Variants in STX18 observed in about 807,000 individuals in gnomAD.
STX18 encodes the protein syntaxin 18, also known as syntaxin-18.
STX18 carries 40 observed loss-of-function variants against 50.1 expected under a neutral mutation model. The ratio of observed to expected loss-of-function variants is 0.80; its 90% confidence interval spans 0.62 to 1.04. STX18 has a LOEUF of 1.04. STX18 is among the 50% of genes least tolerant of loss of function. The pLI is 0.00. For missense variants in STX18, 410 were observed against 415.8 expected, an observed-to-expected ratio of 0.99 and a Z score of 0.12; for synonymous variants, 158 against 151.8, an observed-to-expected ratio of 1.04 and a Z score of -0.30.
chr4:4,495,095 G>T (rs913952898), intron 1 of STX18, among the ~76,000 whole-genome samples: 3 of 152,168 alleles, frequency 2.0e-5, no homozygotes, highest in African/African-American at 7.2e-5. Context: ...TCTAATGCAG[G>T]CTGACATTCA....
intron 5 of STX18, among the ~76,000 whole-genome samples, chr4:4,445,278 C>T (rs1232640150): frequency 6.6e-6 from 1 of 151,872 alleles, no homozygotes; most frequent in African/African-American, 2.4e-5. Flanking sequence ...TGGTGGTGGG[C>T]GCCTGTAATC....
intron 1 of STX18, among the ~76,000 whole-genome samples, chr4:4,535,417 G>C (rs1427424692): frequency 3.3e-5 from 5 of 152,130 alleles, no homozygotes; most frequent in African/African-American, 1.2e-4. Flanking sequence ...TCTCCTTATA[G>C]TACACACTCA....
Position 4,420,019 on chromosome 4 carries a change from C to A in STX18, c.*15G>T. On this transcript the variant is annotated 3_prime_UTR_variant, in exon 11 of 11. Coordinates refer to ENST00000306200, the MANE Select transcript of STX18 (RefSeq NM_016930.4). This position sits in a 1 kb window ranked among gnomAD's most constrained non-coding sequence, Gnocchi z 4.3. ...TGCCCATGAGGACTCTCGTGCTGGG[C>A]CCCCGTGGCCCTGGCTAGCTGTCGT... 6.2e-7 allele frequency: 1 copy of A among 1,601,330 alleles called. No individual in the cohort carries two copies.
chr4:4,523,126 G>A (rs891489493), intron 1 of STX18, among the ~76,000 whole-genome samples: 2 of 152,202 alleles, frequency 1.3e-5, no homozygotes, highest in Non-Finnish European at 2.9e-5. Flanking sequence ...GGAGGTGGTA[G>A]AGCCCAGAGT....
At chr4:4,524,187 T>G (rs1233657151) in intron 1 of STX18, among the ~76,000 whole-genome samples, 1 of 152,226 alleles carries the variant, frequency 6.6e-6, no homozygotes, top group African/African-American at 2.4e-5. Flanking sequence ...TAATTCATTC[T>G]CAGAGATACC....
At chr4:4,448,677 C>T (rs1012802784) in intron 5 of STX18, among the ~76,000 whole-genome samples, 6 of 152,152 alleles carry the variant, frequency 3.9e-5, no homozygotes, top group African/African-American at 7.2e-5. Flanking sequence ...TCTTCATCTG[C>T]AACATGGAGA....
intron 5 of STX18, among the ~76,000 whole-genome samples, chr4:4,440,490 G>A (rs1180945442): frequency 6.6e-6 from 1 of 152,196 alleles, no homozygotes; most frequent in African/African-American, 2.4e-5. Context: ...CGTAACAACT[G>A]CTCCATGTGG....
At chr4:4,531,930 C>T (rs1731114894) in intron 1 of STX18, among the ~76,000 whole-genome samples, 1 of 152,166 alleles carries the variant, frequency 6.6e-6, no homozygotes, top group Non-Finnish European at 1.5e-5. Flanking sequence ...TAAAAATATA[C>T]TGTTTGCTTA....
chr4:4,420,231 G>A lies in STX18; in HGVS notation c.913-102C>T. ...CCCACGTGCTCTCCTGATCCTGGCT[G>A]TAACTATGGGTGTCGTTCCATCTGT... On this transcript the variant is annotated intron_variant, in intron 10 of 10. Coordinates refer to ENST00000306200, the MANE Select transcript of STX18 (RefSeq NM_016930.4). This position sits in a 1 kb window ranked among gnomAD's most constrained non-coding sequence, Gnocchi z 4.3. 4 of 854,646 alleles carry A rather than the reference G, an allele frequency of 4.7e-6. No individual in the cohort carries two copies. Among genetic ancestry groups the A allele is most frequent in the Non-Finnish European group, 7.5e-6 (4 of 533,308 alleles). 52.9% of individuals were successfully genotyped at this position (854,646 alleles called of 1,614,324 possible). A position where few individuals can be genotyped will look rare whatever the true frequency, so the allele number is the denominator to read the frequency against.
intron 1 of STX18, among the ~76,000 whole-genome samples, chr4:4,480,913 A>G (rs1351456171): frequency 6.6e-6 from 1 of 152,184 alleles, no homozygotes; most frequent in Non-Finnish European, 1.5e-5. Context: ...CTGAAATGAG[A>G]TTGTTTTTAA....
At chr4:4,447,754 A>ACTG (rs990142312) in intron 5 of STX18, among the ~76,000 whole-genome samples, 3 of 152,060 alleles carry the variant, frequency 2.0e-5, no homozygotes, top group African/African-American at 4.8e-5. Context: ...CGATTACACT[A>ACTG]CTGCTGCTGC....
At chr4:4,434,044 G>C (rs1221278443) in intron 7 of STX18, among the ~76,000 whole-genome samples, 1 of 152,208 alleles carries the variant, frequency 6.6e-6, no homozygotes, top group Non-Finnish European at 1.5e-5. Context: ...TTTGTCTACT[G>C]CAAACTGCTG....
intron 1 of STX18, among the ~76,000 whole-genome samples, chr4:4,539,409 G>A (rs896626534): frequency 6.6e-6 from 1 of 152,228 alleles, no homozygotes; most frequent in Non-Finnish European, 1.5e-5. Flanking sequence ...TAAAAGCACA[G>A]GACATCCATC....
intron 1 of STX18, among the ~76,000 whole-genome samples, chr4:4,541,336 G>A (rs185060696): frequency 1.4e-4 from 21 of 152,302 alleles, no homozygotes; most frequent in African/African-American, 5.1e-4. Context: ...GAGACAAAGG[G>A]AAGAAAGAGT....
At chr4:4,470,237 T>TA (rs1372456993) in intron 2 of STX18, among the ~76,000 whole-genome samples, 1 of 152,152 alleles carries the variant, frequency 6.6e-6, no homozygotes, top group East Asian at 1.9e-4. Flanking sequence ...GCCGGGTAAG[T>TA]CCCTGTTGTG....
chr4:4,513,586 A>T (rs185280504), intron 1 of STX18, among the ~76,000 whole-genome samples: 2 of 152,336 alleles, frequency 1.3e-5, no homozygotes, highest in East Asian at 3.9e-4. Context: ...ACATACTCAA[A>T]TAGACACTAC....
At chr4:4,445,166 C>G (rs980722378) in intron 5 of STX18, among the ~76,000 whole-genome samples, 8 of 152,164 alleles carry the variant, frequency 5.3e-5, no homozygotes, top group Non-Finnish European at 8.8e-5. Context: ...CTTTAGGAGG[C>G]CGAGGCAGGT....
At chr4:4,464,042 A>T (rs933180704) in intron 2 of STX18, among the ~76,000 whole-genome samples, 1 of 152,236 alleles carries the variant, frequency 6.6e-6, no homozygotes, top group African/African-American at 2.4e-5. Context: ...AAAAAAAAGC[A>T]GGATTTATTT....
rs1725094585 is a variant in STX18, at chr4:4,423,808, G to T, written c.762-221C>A. 3 of 571,996 alleles carry T rather than the reference G, an allele frequency of 5.2e-6. No homozygotes were observed. In the Admixed American group the frequency reaches 9.2e-5, roughly 17 times the overall value. 35.4% of individuals were successfully genotyped at this position (571,996 alleles called of 1,614,324 possible). A position where few individuals can be genotyped will look rare whatever the true frequency, so the allele number is the denominator to read the frequency against. The stretch of plus-strand genomic sequence containing the variant: ...ATAGCCTAGCACACTGGTCTTTTTG[G>T]AAGTCCACTCTACCATGCCAACTGA... On this transcript the variant is annotated intron_variant, in intron 8 of 10. Transcript: ENST00000306200.
Sources: gnomAD v4.1 joint callset for allele counts (sites outside exome capture counted in the v4.1 genomes callset) on GRCh38, gnomAD v4.1.1 for gene constraint, Gnocchi (gnomAD v3.1) non-coding constraint, MANE v1.5 for transcripts, NCBI Gene and HGNC (gene_info 2026-07-23, HGNC 2026-07-21) for gene names.